The following ZPLD1 variants were observed in gnomAD, a reference collection of about 807,000 sequenced individuals.
ZPLD1 encodes zona pellucida like domain containing 1.
In ZPLD1, 34 loss-of-function variants were observed where a neutral mutation model predicts 47.2. The ratio of observed to expected loss-of-function variants is 0.72; its 90% CI spans 0.55 to 0.96. The LOEUF (loss-of-function observed/expected upper bound fraction) is 0.96. Ranked by LOEUF, ZPLD1 falls within the 40% of genes least tolerant of loss-of-function variation. ZPLD1 has a pLI of 0.00. For missense variants in ZPLD1, 512 were observed against 505.8 expected (o/e 1.01, Z -0.12); for synonymous variants, 176 against 186.2 (o/e 0.95, Z 0.45).
At chr3:102,474,278 G>C (rs1707726023) in intron 10 of ZPLD1, among the ~76,000 whole-genome samples, 1 of 152,136 alleles carries the variant, frequency 6.6e-6, no homozygotes, top group South Asian at 2.1e-4. Flanking sequence ...ACCAACACCA[G>C]AAAACAATAC....
At chr3:102,457,588 C>G (rs1388954672) in intron 5 of ZPLD1, among the ~76,000 whole-genome samples, 193 bp from the exon 6 acceptor site, 1 of 152,162 alleles carries the variant, frequency 6.6e-6, no homozygotes, top group African/African-American at 2.4e-5. Context: ...TAAAGAATAG[C>G]TTGTCTTTAC....
In ZPLD1 at chr3:102,470,466, G is replaced by T; in HGVS notation, c.1006G>T (p.Ala336Ser). ...GAGCCCCCAGAGCTCTTCTGGCAGC[G>T]CGGTGCTCTCTGCTGGTCCCATCAT... ...TWSPQSSSGSAVLSAGPIITR... is the reference protein window; with the variant it reads ...TWSPQSSSGSSVLSAGPIITR... Residue 336 changes from alanine to serine, a missense_variant, in exon 10 of 12, where the codon GCG becomes TCG. Ala to Ser is a moderately conservative substitution (Grantham distance 99). Transcript: ENST00000466937. The T allele has an allele frequency of 6.2e-7, 1 of 1,614,008 alleles. No homozygotes were observed.
At chr3:102,471,594 G>A (rs1419035114) in intron 10 of ZPLD1, among the ~76,000 whole-genome samples, 1 of 152,150 alleles carries the variant, frequency 6.6e-6, no homozygotes, top group East Asian at 1.9e-4. Context: ...TATAGATTTT[G>A]TAGATTTAAG....
Position 102,436,964 on chromosome 3 carries a change from T to C in ZPLD1, c.-18T>C. On this transcript the variant is annotated 5_prime_UTR_variant, in exon 2 of 12. An upstream start codon of the reference 5' UTR is lost. Transcript: ENST00000466937. ...GAAGGAAGTGGTGGAGCATGGAGCA[T>C]GGAATAAATGTGGGTGCAGTGGAGT... 4 of 984,684 alleles carry C rather than the reference T, an allele frequency of 4.1e-6. No homozygotes were observed. Among genetic ancestry groups the C allele is most frequent in the Non-Finnish European group, 4.8e-6 (4 of 829,224 alleles). 61.0% of individuals were successfully genotyped at this position (984,684 alleles called of 1,614,324 possible). A position where few individuals can be genotyped will look rare whatever the true frequency, so the allele number is the denominator to read the frequency against.
In ZPLD1 at chr3:102,464,151, GT is replaced by G. The variant is rs1707554400; in HGVS notation, c.681-17del. ...AAAGGAAATTCTGACTCTAGATTATGTTTGCTTACATTCTTTCAGATGGAAT... is the reference window on the plus strand; with the variant it reads ...AAAGGAAATTCTGACTCTAGATTATGTTGCTTACATTCTTTCAGATGGAAT... On this transcript the variant is annotated intron_variant, in intron 7 of 11. Transcript: ENST00000466937. 6.3e-7 allele frequency: 1 copy of G among 1,575,862 alleles called. No individual in the cohort carries two copies.
At chr3:102,404,842 AT>A (rs1437838377) in intron 7 of ZPLD1, among the ~76,000 whole-genome samples, 1 of 152,010 alleles carries the variant, frequency 6.6e-6, no homozygotes, top group Admixed American at 6.6e-5. Context: ...GCAGATGAGA[AT>A]AACTCCATCA....
chr3:102,398,299 T>A (rs1349532179), intron 7 of ZPLD1, among the ~76,000 whole-genome samples: 1 of 152,090 alleles, frequency 6.6e-6, no homozygotes, highest in Non-Finnish European at 1.5e-5. Context: ...CAAATTCACA[T>A]ACCATATTTG....
At chr3:102,463,684 A>G (rs1707544075) in intron 7 of ZPLD1, among the ~76,000 whole-genome samples, 1 of 152,146 alleles carries the variant, frequency 6.6e-6, no homozygotes, top group African/African-American at 2.4e-5. Flanking sequence ...AATAAGAGAA[A>G]GTTTTAATGA....
chr3:102,477,115 T>C (rs1707770185), intron 11 of ZPLD1, 74 bp downstream of exon 11: 4 of 1,527,556 alleles, frequency 2.6e-6, no homozygotes, highest in Non-Finnish European at 3.6e-6. Flanking sequence ...ATCATCTAAG[T>C]GTAATGAGCT....
chr3:102,403,895 C>T (rs1487026385), intron 7 of ZPLD1, among the ~76,000 whole-genome samples: 1 of 151,970 alleles, frequency 6.6e-6, no homozygotes. Context: ...TGAACAAGAC[C>T]TTAATTCCAT....
intron 3 of ZPLD1, among the ~76,000 whole-genome samples, chr3:102,447,251 A>G (rs942706145): frequency 1.3e-5 from 2 of 152,038 alleles, no homozygotes; most frequent in African/African-American, 4.8e-5. Context: ...TTTTTAGTAG[A>G]AATGGGGTTT....
At chr3:102,398,842 T>A (rs936612460) in intron 7 of ZPLD1, among the ~76,000 whole-genome samples, 2 of 152,146 alleles carry the variant, frequency 1.3e-5, no homozygotes, top group African/African-American at 2.4e-5. Flanking sequence ...ATATTTATAC[T>A]GCTGCTACTT....
At chr3:102,393,997 T>C (rs972617526) in intron 7 of ZPLD1, among the ~76,000 whole-genome samples, 3 of 152,162 alleles carry the variant, frequency 2.0e-5, no homozygotes, top group African/African-American at 7.2e-5. Context: ...ATTGATGTAA[T>C]GACATAAAGA....
chr3:102,452,786 G>T, intron 3 of ZPLD1, 133 bp from the exon 4 acceptor site: 5 of 1,007,280 alleles, frequency 5.0e-6, no homozygotes, highest in Non-Finnish European at 7.1e-6. Flanking sequence ...TGGCACATTG[G>T]ATTATGGTGT....
chr3:102,476,282 T>C (rs772715194), intron 10 of ZPLD1, among the ~76,000 whole-genome samples: 65 of 152,120 alleles, frequency 4.3e-4, no homozygotes, highest in Non-Finnish European at 8.5e-4. Context: ...ATTTCAAATA[T>C]GAAATATGAG....
chr3:102,453,222 T>C, intron 4 of ZPLD1, 83 bp downstream of exon 4: 2 of 1,257,050 alleles, frequency 1.6e-6, no homozygotes, highest in Non-Finnish European at 2.2e-6. Context: ...AGATGCCCAA[T>C]CTATCTCTTG....
chr3:102,408,348 T>C (rs1363543273), intron 7 of ZPLD1, among the ~76,000 whole-genome samples: 2 of 151,896 alleles, frequency 1.3e-5, no homozygotes, highest in African/African-American at 4.8e-5. Flanking sequence ...AACCCTGTAG[T>C]TGCCATTTAC....
chr3:102,429,826 A>G (rs889274647), intron 8 of ZPLD1, among the ~76,000 whole-genome samples: 1 of 152,216 alleles, frequency 6.6e-6, no homozygotes, highest in African/African-American at 2.4e-5. Flanking sequence ...AAAAAAGATG[A>G]GAAATGCAAT....
chr3:102,459,240 A>T (rs904423971), intron 6 of ZPLD1, among the ~76,000 whole-genome samples: 2 of 152,058 alleles, frequency 1.3e-5, no homozygotes, highest in African/African-American at 2.4e-5. Flanking sequence ...AAACTGGAAA[A>T]TTCCCGTCTG....
Sources: allele counts gnomAD v4.1 joint callset (sites outside exome capture counted in the v4.1 genomes callset), GRCh38; gene constraint gnomAD v4.1.1; transcripts MANE v1.5; gene names NCBI Gene and HGNC (gene_info 2026-07-23, HGNC 2026-07-21).